Variants in MROH9 observed in about 807,000 individuals in gnomAD.
The protein encoded by MROH9 is maestro heat-like repeat-containing protein family member 9.
MROH9 carries 92 observed loss-of-function variants against 98.2 expected under a neutral mutation model. The observed-to-expected ratio is 0.94, with a 90% CI of 0.79 to 1.11. The LOEUF is 1.11. MROH9 is among the 50% of genes most tolerant of loss of function. The probability of loss-of-function intolerance (pLI) is 0.00; values close to 1 mark genes in which losing one functional copy is unlikely to be tolerated. For synonymous variants in MROH9, 397 were observed against 368.9 expected, an observed-to-expected ratio of 1.08 and a Z score of -0.87; for missense variants, 1,057 against 1,014.8, an observed-to-expected ratio of 1.04 and a Z score of -0.57.
At chr1:170,967,305 C>T (rs1650271501) in intron 7 of MROH9, among the ~76,000 whole-genome samples, 1 of 152,148 alleles carries the variant, frequency 6.6e-6, no homozygotes, top group East Asian at 1.9e-4. Flanking sequence ...AATCAACCAG[C>T]TCATCACAAT....
At chr1:171,049,542 T>G (rs1388410144) in intron 20 of MROH9, among the ~76,000 whole-genome samples, 2 of 152,170 alleles carry the variant, frequency 1.3e-5, no homozygotes, top group Non-Finnish European at 2.9e-5. Flanking sequence ...ATCTGGGTAA[T>G]GATCAGTGGA....
chr1:171,056,972 C>T (rs1653857395), intron 20 of MROH9, among the ~76,000 whole-genome samples: 1 of 152,168 alleles, frequency 6.6e-6, no homozygotes, highest in Non-Finnish European at 1.5e-5. Flanking sequence ...AGTCAGCAGC[C>T]TCAAACTCAC....
chr1:170,971,184 G>A (rs1443503122), intron 7 of MROH9, among the ~76,000 whole-genome samples: 1 of 152,140 alleles, frequency 6.6e-6, no homozygotes, highest in African/African-American at 2.4e-5. Flanking sequence ...TGAAGAAGTT[G>A]TAGAAAGAAA....
chr1:171,035,006 T>G (rs899017532), intron 20 of MROH9, among the ~76,000 whole-genome samples: 4 of 152,178 alleles, frequency 2.6e-5, no homozygotes, highest in African/African-American at 9.6e-5. Flanking sequence ...AAAGGACTCC[T>G]GACACCCTAC....
chr1:171,016,066 C>T (rs1279250410), intron 16 of MROH9, 97 bp from the exon 17 acceptor site: 2 of 809,122 alleles, frequency 2.5e-6, no homozygotes, highest in Non-Finnish European at 1.7e-6. Context: ...CTTCCGCACA[C>T]CATGATGTGC....
chr1:171,022,959 G>T (rs16863948), intron 17 of MROH9, among the ~76,000 whole-genome samples: 1 of 151,986 alleles, frequency 6.6e-6, no homozygotes, highest in Non-Finnish European at 1.5e-5. Flanking sequence ...TAGTCAGAGC[G>T]CTCATATAAA....
intron 17 of MROH9, among the ~76,000 whole-genome samples, chr1:171,018,403 C>T (rs1652401271): frequency 6.6e-6 from 1 of 151,070 alleles, no homozygotes; most frequent in Admixed American, 6.6e-5. Context: ...CAAATGTCAG[C>T]AGCCTCAAAG....
chr1:171,040,559 T>C (rs1653264302), intron 20 of MROH9, among the ~76,000 whole-genome samples: 1 of 152,110 alleles, frequency 6.6e-6, no homozygotes, highest in Non-Finnish European at 1.5e-5. Flanking sequence ...ACAAATTTTA[T>C]TTTCTGATTA....
intron 21 of MROH9, 83 bp downstream of exon 21, chr1:171,062,277 TG>T: frequency 1.0e-6 from 1 of 971,880 alleles, no homozygotes; most frequent in Admixed American, 2.3e-5. Context: ...ATATGAGTTC[TG>T]TTAGAGTGCC....
intron 3 of MROH9, among the ~76,000 whole-genome samples, chr1:170,953,056 C>T (rs1649616546): frequency 6.6e-6 from 1 of 152,054 alleles, no homozygotes; most frequent in Non-Finnish European, 1.5e-5. Flanking sequence ...CAAATTCCTT[C>T]CAGAATTTCT....
intron 1 of MROH9, among the ~76,000 whole-genome samples, chr1:170,943,404 T>G (rs940507831): frequency 2.0e-5 from 3 of 151,610 alleles, no homozygotes; most frequent in Non-Finnish European, 4.4e-5. Flanking sequence ...AGAAATGAGA[T>G]AAAATATAAG....
intron 12 of MROH9, among the ~76,000 whole-genome samples, chr1:170,994,723 C>A (rs1343571208): frequency 6.6e-6 from 1 of 152,012 alleles, no homozygotes; most frequent in African/African-American, 2.4e-5. Flanking sequence ...TGCCCATTAA[C>A]CATCCCCACC....
At chr1:170,972,859 C>CAA (rs1491458716) in intron 8 of MROH9, among the ~76,000 whole-genome samples, 1 of 141,292 alleles carries the variant, frequency 7.1e-6, no homozygotes, top group Non-Finnish European at 1.5e-5. Flanking sequence ...CACACACACA[C>CAA]AGAGTTTTCA....
chr1:171,028,659 G>A (rs1437852816), intron 20 of MROH9, among the ~76,000 whole-genome samples: 1 of 152,178 alleles, frequency 6.6e-6, no homozygotes, highest in African/African-American at 2.4e-5. Flanking sequence ...CTATCCATGA[G>A]GATGGAATGT....
intron 12 of MROH9, among the ~76,000 whole-genome samples, chr1:170,993,192 A>C (rs1651423440): frequency 1.3e-5 from 2 of 152,208 alleles, no homozygotes; most frequent in Non-Finnish European, 2.9e-5. Flanking sequence ...GGTGCAATCA[A>C]GGCTTCTAAA....
intron 15 of MROH9, among the ~76,000 whole-genome samples, chr1:170,999,327 C>T (rs963986294): frequency 2.0e-5 from 3 of 152,064 alleles, no homozygotes; most frequent in African/African-American, 4.8e-5. Flanking sequence ...CCCACTCTTT[C>T]CCCCAAGTCC....
intron 20 of MROH9, among the ~76,000 whole-genome samples, chr1:171,027,729 T>C (rs1016538162): frequency 6.6e-6 from 1 of 152,232 alleles, no homozygotes; most frequent in Non-Finnish European, 1.5e-5. Context: ...GTTTCTTGAC[T>C]TTTTAATAAT....
At chr1:170,970,712 G>GTGTGTT (rs1383228130) in intron 7 of MROH9, among the ~76,000 whole-genome samples, 6 of 129,554 alleles carry the variant, frequency 4.6e-5, no homozygotes, top group Admixed American at 4.6e-4. Flanking sequence ...CTGTGTGTGT[G>GTGTGTT]TGTGTGTGTG....
At chr1:171,013,929 G>A (rs1035809305) in intron 15 of MROH9, among the ~76,000 whole-genome samples, 188 bp from the exon 16 acceptor site, 10 of 148,196 alleles carry the variant, frequency 6.7e-5, no homozygotes, top group East Asian at 6.0e-4. Context: ...AGACAAAAAC[G>A]AAACAAAGCA....
Sources: allele counts gnomAD v4.1 joint callset (sites outside exome capture counted in the v4.1 genomes callset), GRCh38; gene constraint gnomAD v4.1.1; transcripts MANE v1.5; gene names NCBI Gene and HGNC (gene_info 2026-07-23, HGNC 2026-07-21).